The following CHST8 variants were observed in gnomAD, a reference collection of about 807,000 sequenced individuals.
CHST8 encodes carbohydrate sulfotransferase 8.
A neutral mutation model predicts 15.0 loss-of-function variants in CHST8; 10 were observed. That is an observed-to-expected ratio of 0.67 (90% CI 0.41 to 1.13). The LOEUF (loss-of-function observed/expected upper bound fraction) is 1.13. Ranked by LOEUF, CHST8 falls within the 50% of genes most tolerant of loss-of-function variation. CHST8 has a pLI of 0.00. For missense variants in CHST8, 634 were observed against 608.2 expected (o/e 1.04, Z -0.45); for synonymous variants, 259 against 256.6 (o/e 1.01, Z -0.09).
rs1289323304 is a variant in CHST8 at position 33,745,027 on chromosome 19, A to G, written c.131-26386A>G. On this transcript the variant is annotated intron_variant, in intron 3 of 4. Transcript: ENST00000650847. Reference sequence around the variant, plus strand: ...CTCCCAAAGTGCTGGGATTACAGGCATGAGCCACCATGCCCAGCCTAATTT... The same window carrying G: ...CTCCCAAAGTGCTGGGATTACAGGCGTGAGCCACCATGCCCAGCCTAATTT... Among the ~76,000 whole-genome samples, 2 of 152,162 alleles carry G rather than the reference A, an allele frequency of 1.3e-5. 1 individual carries two copies. The highest frequency in any genetic ancestry group is 2.9e-5 in the Non-Finnish European group (2 of 68,026).
At chr19:33,771,274 T>C in intron 3 of CHST8, 139 bp from the exon 4 acceptor site, 1 of 806,644 alleles carries the variant, frequency 1.2e-6, no homozygotes, top group East Asian at 2.4e-5. Flanking sequence ...CACTGAGCCA[T>C]GCCCTAAGCT....
At chr19:33,752,214 G>A (rs371206490) in intron 3 of CHST8, among the ~76,000 whole-genome samples, 10 of 152,288 alleles carry the variant, frequency 6.6e-5, no homozygotes, top group East Asian at 5.8e-4. Context: ...CAACCTGCCC[G>A]CCGCCTAGGG....
At chr19:33,755,870 C>T (rs1974535147) in intron 3 of CHST8, among the ~76,000 whole-genome samples, 1 of 152,198 alleles carries the variant, frequency 6.6e-6, no homozygotes, top group South Asian at 2.1e-4. Flanking sequence ...GAGCACATTC[C>T]GTTTGCAAAG....
At chr19:33,668,201 A>G (rs534289769) in intron 2 of CHST8, among the ~76,000 whole-genome samples, 6 of 152,196 alleles carry the variant, frequency 3.9e-5, no homozygotes, top group Admixed American at 2.6e-4. Context: ...GCTGCCAGGA[A>G]TGTTGAGATG....
chr19:33,636,061 G>C (rs1336450758), intron 1 of CHST8, among the ~76,000 whole-genome samples: 9 of 145,682 alleles, frequency 6.2e-5, no homozygotes, highest in Non-Finnish European at 1.2e-4. Flanking sequence ...ATGCTTTTCT[G>C]TGATAACTAA....
rs73591034 is a variant in CHST8, at chr19:33,671,969, G to A, written c.-87+4126G>A. ...TATTGGTAATTGTTTTATTCTTTAA[G>A]CTTGGGTGATGAATGTGCTGGTTCT... On this transcript the variant is annotated intron_variant, in intron 2 of 4. Transcript: ENST00000650847. 5.3e-3 allele frequency among the ~76,000 whole-genome samples: 803 copies of A among 152,004 alleles called. 6 individuals are homozygous for A. Among genetic ancestry groups the A allele is most frequent in the African/African-American group, 0.018 (766 of 41,450 alleles).
intron 2 of CHST8, among the ~76,000 whole-genome samples, chr19:33,672,957 C>T (rs759825): frequency 0.16 from 24,763 of 152,206 alleles, 2,284 homozygotes; most frequent in Admixed American, 0.25. Flanking sequence ...CCAGGCAGGA[C>T]GCGCCCAGGT....
At chr19:33,740,318 A>T (rs999830545) in intron 3 of CHST8, among the ~76,000 whole-genome samples, 2 of 152,198 alleles carry the variant, frequency 1.3e-5, no homozygotes, top group African/African-American at 4.8e-5. Flanking sequence ...GGCTGTGGGC[A>T]TCGGTTTGCA....
chr19:33,764,721 G>A (rs534745691), intron 3 of CHST8, among the ~76,000 whole-genome samples: 7 of 152,024 alleles, frequency 4.6e-5, no homozygotes, highest in Non-Finnish European at 1.0e-4. Context: ...AGGTTTCTGC[G>A]GAACAGGTGG....
chr19:33,763,171 T>C (rs569507669), intron 3 of CHST8, among the ~76,000 whole-genome samples: 1 of 152,282 alleles, frequency 6.6e-6, no homozygotes, highest in South Asian at 2.1e-4. Flanking sequence ...CTTCTAATTT[T>C]TGATGTGCTA....
Position 33,771,467 on chromosome 19 carries a change from A to G in CHST8, c.168+17A>G, listed in dbSNP as rs150528629. 6.2e-7 allele frequency: 1 copy of G among 1,613,590 alleles called. No individual in the cohort carries two copies. Among genetic ancestry groups the G allele is most frequent in the African/African-American group, 1.3e-5 (1 of 74,938 alleles). On this transcript the variant is annotated intron_variant, in intron 4 of 4. Transcript: ENST00000650847. ...CCCCACCACGTAAGTTCTGAGAGTC[A>G]GATAAATCTCAGTGCACACAGCCCT...
At chr19:33,759,178 G>T (rs1412309859) in intron 3 of CHST8, among the ~76,000 whole-genome samples, 1 of 152,120 alleles carries the variant, frequency 6.6e-6, no homozygotes, top group African/African-American at 2.4e-5. Context: ...CATGAGATTT[G>T]GGCGGGGACG....
At chr19:33,740,908 A>G (rs1974174357) in intron 3 of CHST8, among the ~76,000 whole-genome samples, 1 of 152,146 alleles carries the variant, frequency 6.6e-6, no homozygotes, top group Non-Finnish European at 1.5e-5. Context: ...GTGTTGACAG[A>G]TTTCACACCT....
intron 2 of CHST8, among the ~76,000 whole-genome samples, chr19:33,685,601 G>A (rs1175220501): frequency 6.6e-6 from 1 of 152,204 alleles, no homozygotes; most frequent in Non-Finnish European, 1.5e-5. Context: ...CATCGGAGCT[G>A]AGAGTGATAT....
At chr19:33,681,577 C>A (rs1335386303) in intron 2 of CHST8, among the ~76,000 whole-genome samples, 1 of 152,172 alleles carries the variant, frequency 6.6e-6, no homozygotes, top group Non-Finnish European at 1.5e-5. Flanking sequence ...TTGACTGAAG[C>A]CTACCTGGCA....
chr19:33,689,226 C>A lies in CHST8; in HGVS notation c.-36C>A. ...TGGACGATGAGGGAAGAACGTGCCC[C>A]CCACACCCAAGAGGTGACCCCTGAG... On this transcript the variant is annotated 5_prime_UTR_variant, in exon 3 of 5. Coordinates refer to ENST00000650847, the MANE Select transcript of CHST8 (RefSeq NM_001127895.2). 6.6e-7 allele frequency: 1 copy of A among 1,514,898 alleles called. No individual in the cohort carries two copies. Among genetic ancestry groups the A allele is most frequent in the Non-Finnish European group, 8.8e-7 (1 of 1,131,674 alleles). The allele number at this position is 1,514,898 out of a possible 1,614,324, so 93.8% of individuals were successfully genotyped here. A position where few individuals can be genotyped will look rare whatever the true frequency, so the allele number is the denominator to read the frequency against.
chr19:33,623,294 A>T (rs1972010116), intron 1 of CHST8, among the ~76,000 whole-genome samples: 1 of 152,154 alleles, frequency 6.6e-6, no homozygotes, highest in Non-Finnish European at 1.5e-5. Context: ...TCTGTCCTGC[A>T]GTCGTCTCCG....
intron 2 of CHST8, among the ~76,000 whole-genome samples, chr19:33,668,571 C>G (rs973659644): frequency 1.3e-5 from 2 of 152,080 alleles, no homozygotes; most frequent in African/African-American, 4.8e-5. Context: ...GGAGGAAGAA[C>G]AGATCAGGTG....
intron 3 of CHST8, among the ~76,000 whole-genome samples, chr19:33,734,188 C>T (rs1045716516): frequency 2.0e-5 from 3 of 152,168 alleles, no homozygotes; most frequent in Non-Finnish European, 4.4e-5. Context: ...ATGGGAGTGA[C>T]CTCTGGTGGT....
Sources: allele counts gnomAD v4.1 joint callset (sites outside exome capture counted in the v4.1 genomes callset), GRCh38; gene constraint gnomAD v4.1.1; transcripts MANE v1.5; gene names NCBI Gene and HGNC (gene_info 2026-07-23, HGNC 2026-07-21).